Variants in CMSS1 observed in about 807,000 individuals in gnomAD.
CMSS1 encodes the protein protein CMSS1.
A neutral mutation model predicts 43.5 loss-of-function variants in CMSS1; 33 were observed. That is an observed-to-expected ratio of 0.76 (90% CI 0.57 to 1.01). CMSS1 has a LOEUF of 1.01. Ranked by LOEUF, CMSS1 falls within the 50% of genes least tolerant of loss-of-function variation. The probability of loss-of-function intolerance (pLI) is 0.00; values close to 1 mark genes in which losing one functional copy is unlikely to be tolerated. For synonymous variants in CMSS1, 115 were observed against 117.2 expected (o/e 0.98, Z 0.12); for missense variants, 313 against 326.4 (o/e 0.96, Z 0.32).
intron 1 of CMSS1, among the ~76,000 whole-genome samples, chr3:100,090,091 G>C (rs1469004228): frequency 6.6e-6 from 1 of 152,218 alleles, no homozygotes; most frequent in Non-Finnish European, 1.5e-5. Flanking sequence ...TTGCTTCACT[G>C]TCTGCAGCTG....
At chr3:99,898,370 C>G (rs1706327057) in intron 1 of CMSS1, 1 of 152,118 alleles carries the variant, frequency 6.6e-6, no homozygotes, top group African/African-American at 2.4e-5. Context: ...TCTTTTCATT[C>G]CATTATAAAT....
chr3:99,918,396 C>T (rs1246199896), intron 1 of CMSS1, among the ~76,000 whole-genome samples: 1 of 152,186 alleles, frequency 6.6e-6, no homozygotes, highest in African/African-American at 2.4e-5. Context: ...TGGTTCATCC[C>T]TCACTAGGCT....
At chr3:99,923,129 T>C (rs568705154) in intron 1 of CMSS1, among the ~76,000 whole-genome samples, 83 of 152,200 alleles carry the variant, frequency 5.5e-4, no homozygotes, top group African/African-American at 1.9e-3. Context: ...ACCCCCTTTT[T>C]CTTCCAGAAA....
intron 1 of CMSS1, among the ~76,000 whole-genome samples, chr3:100,089,413 A>C (rs186815120): frequency 2.6e-4 from 40 of 152,352 alleles, no homozygotes; most frequent in Admixed American, 1.2e-3. Flanking sequence ...TCAAAATTAA[A>C]TATTCTTTGT....
chr3:99,860,111 A>T (rs1257533232), intron 1 of CMSS1, among the ~76,000 whole-genome samples: 1 of 152,160 alleles, frequency 6.6e-6, no homozygotes, highest in African/African-American at 2.4e-5. Context: ...TGTCATCATC[A>T]CTGAGATCCT....
In CMSS1 at chr3:100,171,952, T is replaced by G. The variant is rs558113059; in HGVS notation, c.579+53T>G. ...AGGCCTCTCCCAGACCTCAGCTTTT[T>G]TCCTTTCAACCTCTTCTCCTAATCT... On this transcript the variant is annotated intron_variant, in intron 7 of 9. Coordinates refer to ENST00000421999, the MANE Select transcript of CMSS1 (RefSeq NM_032359.4). 3.6e-6 allele frequency: 5 copies of G among 1,377,152 alleles called. No homozygotes were observed. The Admixed American group carries it at 7.0e-5, about 19-fold the overall frequency. 85.3% of individuals were successfully genotyped at this position (1,377,152 alleles called of 1,614,324 possible).
At chr3:99,840,676 A>G (rs1234719347) in intron 1 of CMSS1, among the ~76,000 whole-genome samples, 1 of 152,190 alleles carries the variant, frequency 6.6e-6, no homozygotes, top group Non-Finnish European at 1.5e-5. Context: ...ATTTTAAATG[A>G]TTTAAGGAGG....
chr3:99,851,033 C>A (rs1487091509), intron 1 of CMSS1: 1 of 1,601,274 alleles, frequency 6.2e-7, no homozygotes, highest in Admixed American at 1.7e-5. Context: ...TCCTTCTCCT[C>A]CTGAGACTTG....
At chr3:99,948,548 AG>A (rs1171842095) in intron 1 of CMSS1, among the ~76,000 whole-genome samples, 19 of 97,616 alleles carry the variant, frequency 1.9e-4, no homozygotes. Context: ...AGGGAGGGGG[AG>A]GGGGAGAAGA....
At chr3:99,824,351 A>G (rs957941779) in intron 1 of CMSS1, among the ~76,000 whole-genome samples, 4 of 152,204 alleles carry the variant, frequency 2.6e-5, no homozygotes, top group East Asian at 1.9e-4. Flanking sequence ...TTAAATTATT[A>G]TGTTATTATA....
At chr3:100,004,231 G>A (rs1024892555) in intron 1 of CMSS1, among the ~76,000 whole-genome samples, 7 of 152,086 alleles carry the variant, frequency 4.6e-5, no homozygotes, top group African/African-American at 1.2e-4. Context: ...TGCAGCTTCC[G>A]TAGGATGATA....
At chr3:100,014,305 G>A (rs1710254439) in intron 1 of CMSS1, among the ~76,000 whole-genome samples, 1 of 151,928 alleles carries the variant, frequency 6.6e-6, no homozygotes, top group Admixed American at 6.6e-5. Context: ...ATGAATATGA[G>A]AATGTAGATA....
chr3:100,168,880 T>TATATAC (rs932834578), intron 6 of CMSS1, among the ~76,000 whole-genome samples: 2 of 149,028 alleles, frequency 1.3e-5, no homozygotes, highest in Non-Finnish European at 3.0e-5. Context: ...TATATATATA[T>TATATAC]ACACACACAC....
chr3:100,007,389 C>T (rs1710018014), intron 1 of CMSS1, among the ~76,000 whole-genome samples: 2 of 151,928 alleles, frequency 1.3e-5, no homozygotes, highest in Non-Finnish European at 1.5e-5. Context: ...TGCCATGGCT[C>T]GCTAATGCAT....
At chr3:99,933,725 ATCTATG>A (rs1261011217) in intron 1 of CMSS1, among the ~76,000 whole-genome samples, 1 of 152,116 alleles carries the variant, frequency 6.6e-6, no homozygotes, top group Non-Finnish European at 1.5e-5. Context: ...TTATAGGGCC[ATCTATG>A]TCCTTTGTCT....
At chr3:100,149,139 TC>T (rs2066880760) in intron 2 of CMSS1, among the ~76,000 whole-genome samples, 1 of 152,242 alleles carries the variant, frequency 6.6e-6, no homozygotes, top group South Asian at 2.1e-4. Flanking sequence ...TCTTGTTTGT[TC>T]CTTGCTCTTT....
At chr3:100,102,126 G>A (rs533142123) in intron 1 of CMSS1, among the ~76,000 whole-genome samples, 94 of 152,264 alleles carry the variant, frequency 6.2e-4, no homozygotes, top group South Asian at 1.7e-3. Context: ...AATCCTTTGG[G>A]TATATACCCA....
chr3:100,141,390 C>T (rs2107507416), intron 1 of CMSS1: 2 of 291,672 alleles, frequency 6.9e-6, no homozygotes, highest in African/African-American at 2.2e-5. Context: ...CCATCCAGCA[C>T]TACTCCCTGG....
chr3:99,824,546 C>A (rs1468394824), intron 1 of CMSS1, among the ~76,000 whole-genome samples: 1 of 152,156 alleles, frequency 6.6e-6, no homozygotes, highest in Non-Finnish European at 1.5e-5. Context: ...TGTTAGTTAA[C>A]CAATTAATTA....
Sources: gnomAD v4.1 joint callset for allele counts (sites outside exome capture counted in the v4.1 genomes callset) on GRCh38, gnomAD v4.1.1 for gene constraint, MANE v1.5 for transcripts, NCBI Gene and HGNC (gene_info 2026-07-23, HGNC 2026-07-21) for gene names.